TIE1: variants seen among roughly 807,000 people sequenced by gnomAD.
The protein encoded by TIE1 is tyrosine-protein kinase receptor Tie-1.
In TIE1, 89 loss-of-function variants were observed where a neutral mutation model predicts 130.5. The ratio of observed to expected loss-of-function variants is 0.68; its 90% CI spans 0.57 to 0.81. The LOEUF is 0.81. TIE1 is among the 40% of genes least tolerant of loss of function. The probability of loss-of-function intolerance (pLI) is 0.00; values close to 1 mark genes in which losing one functional copy is unlikely to be tolerated. For missense variants in TIE1, 1,392 were observed against 1,559.8 expected (o/e 0.89, Z 1.81); for synonymous variants, 568 against 629.4 (o/e 0.90, Z 1.46).
rs35691474 is a variant in TIE1 at position 43,317,291 on chromosome 1, A to G, written c.2502A>G (p.Leu834=). Residue 834 remains leucine (L), a synonymous_variant, in exon 15 of 23, where the codon CTA becomes CTG. Transcript: ENST00000372476. This position sits in a 1 kb window ranked among gnomAD's most constrained non-coding sequence, Gnocchi z 5.1. ...LQPEPLSYPV[L]EWEDITFEDL... is the part of the protein sequence containing the mutation. ...CCGAGCCCCTGAGCTACCCAGTGCT[A>G]GAGTGGGAGGACATCACCTTTGAGG... 1,018 of 1,614,158 alleles carry G rather than the reference A, an allele frequency of 6.3e-4. 5 individuals are homozygous for G. The highest frequency in any genetic ancestry group is 2.1e-3 in the South Asian group (194 of 91,088).
At chr1:43,308,948 C>T in intron 7 of TIE1, 38 bp from the exon 8 acceptor site, 1 of 1,613,876 alleles carries the variant, frequency 6.2e-7, no homozygotes, top group Non-Finnish European at 8.5e-7. Context: ...CGTGTCTGCC[C>T]CTGTGGGAGC....
intron 1 of TIE1, among the ~76,000 whole-genome samples, chr1:43,303,650 C>T (rs1235624177): frequency 4.6e-5 from 7 of 152,066 alleles, no homozygotes; most frequent in Non-Finnish European, 1.0e-4. Flanking sequence ...TCTGACTCCA[C>T]CTGATCTCTC....
rs775110198 is a variant in TIE1 at position 43,319,571 on chromosome 1, A to G, written c.3107+42A>G. 3 of 1,588,976 alleles carry G rather than the reference A, an allele frequency of 1.9e-6. No individual in the cohort carries two copies. Among genetic ancestry groups the G allele is most frequent in the Non-Finnish European group, 1.7e-6 (2 of 1,157,282 alleles). On this transcript the variant is annotated intron_variant, in intron 19 of 22. Coordinates refer to ENST00000372476, the MANE Select transcript of TIE1 (RefSeq NM_005424.5). The surrounding 1 kb of genome is among the most constrained non-coding windows in gnomAD (Gnocchi z 4.7). ...AGGGCACAGGAGGGCTTGGCCCCCA[A>G]GAATCACCCAGGCCTGACCTAGACA...
Position 43,313,033 on chromosome 1 carries a change from G to T in TIE1, c.1928-102G>T. On this transcript the variant is annotated intron_variant, in intron 12 of 22. Coordinates refer to ENST00000372476, the MANE Select transcript of TIE1 (RefSeq NM_005424.5). This position sits in a 1 kb window ranked among gnomAD's most constrained non-coding sequence, Gnocchi z 6.2. ...AGTTGGCAGGGTGGCCCCTGTGCTT[G>T]GACCCACAGAGGAGGGAGCACAGCT... The T allele has an allele frequency of 7.3e-7, 1 of 1,377,352 alleles. No homozygotes were observed. Among genetic ancestry groups the T allele is most frequent in the Non-Finnish European group, 9.9e-7 (1 of 1,014,386 alleles). 85.3% of individuals were successfully genotyped at this position (1,377,352 alleles called of 1,614,324 possible). A position where few individuals can be genotyped will look rare whatever the true frequency, so the allele number is the denominator to read the frequency against.
At position 43,306,978 on chromosome 1, in the gene TIE1, T is replaced by C. The variant is rs755927402; in HGVS notation, c.623T>C (p.Phe208Ser). The change falls in exon 4 of 23, where the codon TTT becomes TCT. Residue 208 changes from phenylalanine to serine, a missense_variant. Coordinates refer to ENST00000372476, the MANE Select transcript of TIE1 (RefSeq NM_005424.5). This position sits in a 1 kb window ranked among gnomAD's most constrained non-coding sequence, Gnocchi z 4.9. Reference sequence around the variant, plus strand: ...GCCAGCCCCCTGGGCAGCGCCTTCTTTCGGCTCATCGTGCGGGGTCAGAGG... The same window carrying C: ...GCCAGCCCCCTGGGCAGCGCCTTCTCTCGGCTCATCGTGCGGGGTCAGAGG... Reference protein sequence around the residue: ...LEASPLGSAFFRLIVRGCGAG... With the variant: ...LEASPLGSAFSRLIVRGCGAG... 1.2e-5 allele frequency: 20 copies of C among 1,613,796 alleles called. No homozygotes were observed. The highest frequency in any genetic ancestry group is 8.5e-7 in the Non-Finnish European group (1 of 1,180,006).
rs138275803 is a variant in TIE1, at chr1:43,318,000, C to T, written c.2850C>T (p.Thr950=). 1 of 1,602,062 alleles carries T rather than the reference C, an allele frequency of 6.2e-7. No individual in the cohort carries two copies. Among genetic ancestry groups the T allele is most frequent in the African/African-American group, 1.3e-5 (1 of 74,578 alleles). Residue 950 remains threonine, a synonymous_variant, in exon 17 of 23, where the codon ACC becomes ACT. Coordinates refer to ENST00000372476, the MANE Select transcript of TIE1 (RefSeq NM_005424.5). The surrounding 1 kb of genome is among the most constrained non-coding windows in gnomAD (Gnocchi z 5.1). ...CTCGAGAGCATGGGACAGCCTCTAC[C>T]CTTAGCTCCCGGCAGCTGCTGCGTT... The part of the protein sequence containing the change: ...AFAREHGTAS[T]LSSRQLLRFA...
Position 43,307,925 on chromosome 1 carries a change from G to A in TIE1, c.1042+1G>A, listed in dbSNP as rs147214275. 2 of 1,613,986 alleles carry A rather than the reference G, an allele frequency of 1.2e-6. No individual in the cohort carries two copies. The highest frequency in any genetic ancestry group is 1.3e-5 in the African/African-American group (1 of 74,928). On this transcript the variant is annotated splice_donor_variant, in intron 7 of 22. Transcript: ENST00000372476. LOFTEE classifies it high-confidence loss of function. This position sits in a 1 kb window ranked among gnomAD's most constrained non-coding sequence, Gnocchi z 5.4. ...CATGGAGTGCACTGTGAGAAGTCAG[G>A]TATAAGCACTATGACCTCTGAGAGC...
At chr1:43,308,510 A>ACTCAGGTTTGGGT (rs1246859644) in intron 7 of TIE1, among the ~76,000 whole-genome samples, 30 of 151,834 alleles carry the variant, frequency 2.0e-4, no homozygotes, top group South Asian at 4.2e-4. Flanking sequence ...GGGACTGGGG[A>ACTCAGGTTTGGGT]AATGGTCAGA....
chr1:43,323,018 A>T lies in TIE1; in HGVS notation c.*296A>T. The T allele has an allele frequency of 2.4e-6, 1 of 416,746 alleles. No homozygotes were observed. Among genetic ancestry groups the T allele is most frequent in the East Asian group, 4.3e-5 (1 of 23,162 alleles). 25.8% of individuals were successfully genotyped at this position (416,746 alleles called of 1,614,324 possible). ...ACCCCCACTCCAGCTCCTTCGCTTA[A>T]GCCAGCACTCACACCACTAACATGC... On this transcript the variant is annotated 3_prime_UTR_variant, in exon 23 of 23. Coordinates refer to ENST00000372476, the MANE Select transcript of TIE1 (RefSeq NM_005424.5).
chr1:43,308,008 C>T (rs1397043739), intron 7 of TIE1, 84 bp downstream of exon 7: 41 of 1,567,538 alleles, frequency 2.6e-5, no homozygotes, highest in Non-Finnish European at 3.3e-5. Context: ...AGAGTAGTCC[C>T]TCCTTTCCCT....
In TIE1 at chr1:43,306,708, T is replaced by C. The variant is rs1646731310; in HGVS notation, c.485-132T>C. Reference sequence around the variant, plus strand: ...TGAGCTTTCTGGCGTGGGCATAGGCTCTCGTGGTGCCGGCCCTAGGTCTCA... The same window carrying C: ...TGAGCTTTCTGGCGTGGGCATAGGCCCTCGTGGTGCCGGCCCTAGGTCTCA... On this transcript the variant is annotated intron_variant, in intron 3 of 22. Coordinates refer to ENST00000372476, the MANE Select transcript of TIE1 (RefSeq NM_005424.5). This position sits in a 1 kb window ranked among gnomAD's most constrained non-coding sequence, Gnocchi z 4.9. 8.4e-7 allele frequency: 1 copy of C among 1,195,396 alleles called. No individual in the cohort carries two copies. Among genetic ancestry groups the C allele is most frequent in the Non-Finnish European group, 1.2e-6 (1 of 857,534 alleles). The allele number at this position is 1,195,396 out of a possible 1,614,324, so 74.0% of individuals were successfully genotyped here. A position where few individuals can be genotyped will look rare whatever the true frequency, so the allele number is the denominator to read the frequency against.
chr1:43,308,990 G>A lies in TIE1; in HGVS notation c.1047G>A (p.Arg349=). 6.2e-7 allele frequency: 1 copy of A among 1,614,010 alleles called. No individual in the cohort carries two copies. Among genetic ancestry groups the A allele is most frequent in the Non-Finnish European group, 8.5e-7 (1 of 1,179,972 alleles). The change falls in exon 8 of 23, where the codon CGG becomes CGA. Residue 349 remains arginine, a synonymous_variant. Coordinates refer to ENST00000372476, the MANE Select transcript of TIE1 (RefSeq NM_005424.5). ...WHGVHCEKSD[R]IPQILNMASE... ...ATGAGTGTCCTTTCTCCCCAGACCG[G>A]ATCCCCCAGATCCTCAACATGGCCT...
chr1:43,305,349 G>C lies in TIE1; in HGVS notation c.484+6G>C, dbSNP rs1215890277. 2 of 1,541,468 alleles carry C rather than the reference G, an allele frequency of 1.3e-6. No homozygotes were observed. The highest frequency in any genetic ancestry group is 1.8e-6 in the Non-Finnish European group (2 of 1,139,288). ...CGTGATCTGGAAGAGCAACGGTAAAGAGGGGCATTTGAACTGGTGGGGAGG... is the reference window on the plus strand; with the variant it reads ...CGTGATCTGGAAGAGCAACGGTAAACAGGGGCATTTGAACTGGTGGGGAGG... On this transcript the variant is annotated splice_donor_region_variant and intron_variant, in intron 3 of 22. Coordinates refer to ENST00000372476, the MANE Select transcript of TIE1 (RefSeq NM_005424.5).
chr1:43,307,593 T>G lies in TIE1; in HGVS notation c.913+21T>G. The G allele has an allele frequency of 6.2e-7, 1 of 1,613,890 alleles. No homozygotes were observed. Among genetic ancestry groups the G allele is most frequent in the South Asian group, 1.1e-5 (1 of 91,074 alleles). Reference sequence around the variant, plus strand: ...AGAAGGTATGCCTAACCTACCCTCATGGTCCCTGACCAAGACAGCTGGCCA... The same window carrying G: ...AGAAGGTATGCCTAACCTACCCTCAGGGTCCCTGACCAAGACAGCTGGCCA... On this transcript the variant is annotated intron_variant, in intron 6 of 22. Coordinates refer to ENST00000372476, the MANE Select transcript of TIE1 (RefSeq NM_005424.5). The surrounding 1 kb of genome is among the most constrained non-coding windows in gnomAD (Gnocchi z 5.4).
chr1:43,308,065 A>T (rs1277497514), intron 7 of TIE1, 141 bp downstream of exon 7: 1 of 1,303,854 alleles, frequency 7.7e-7, no homozygotes, highest in Non-Finnish European at 1.0e-6. Context: ...TCTGATGGAC[A>T]GGGAGCTCTG....
chr1:43,311,851 G>A lies in TIE1; in HGVS notation c.1492+22G>A, dbSNP rs182468875. 2,386 of 1,609,346 alleles carry A rather than the reference G, an allele frequency of 1.5e-3. 6 individuals are homozygous for A. The highest frequency in any genetic ancestry group is 1.9e-3 in the Admixed American group (113 of 59,790). On this transcript the variant is annotated intron_variant, in intron 10 of 22. Transcript: ENST00000372476. Reference sequence around the variant, plus strand: ...GTGGGTGAGTAGGGAGAGAGCTGGGGCAGGACAGAGGTGTTGGGTAATAGT... The same window carrying A: ...GTGGGTGAGTAGGGAGAGAGCTGGGACAGGACAGAGGTGTTGGGTAATAGT...
chr1:43,307,752 C>T lies in TIE1; in HGVS notation c.914-44C>T. 1.2e-6 allele frequency: 2 copies of T among 1,610,736 alleles called. No individual in the cohort carries two copies. Among genetic ancestry groups the T allele is most frequent in the South Asian group, 1.1e-5 (1 of 90,752 alleles). ...TGCGCCCTCATCTGTGCCCTCATTGCCCCCTGTCCCATGCCCCTCTAATCA... is the reference window on the plus strand; with the variant it reads ...TGCGCCCTCATCTGTGCCCTCATTGTCCCCTGTCCCATGCCCCTCTAATCA... On this transcript the variant is annotated intron_variant, in intron 6 of 22. Transcript: ENST00000372476. The surrounding 1 kb of genome is among the most constrained non-coding windows in gnomAD (Gnocchi z 5.4).
In TIE1 at chr1:43,313,486, T is replaced by G; in HGVS notation, c.2218+61T>G. On this transcript the variant is annotated intron_variant, in intron 13 of 22. Coordinates refer to ENST00000372476, the MANE Select transcript of TIE1 (RefSeq NM_005424.5). This position sits in a 1 kb window ranked among gnomAD's most constrained non-coding sequence, Gnocchi z 6.2. ...TGAGCGGGGAGAGCTCAGCACGCTCTCCTTCCACATCACCCCCTACTGTGG... is the reference window on the plus strand; with the variant it reads ...TGAGCGGGGAGAGCTCAGCACGCTCGCCTTCCACATCACCCCCTACTGTGG... 6.3e-7 allele frequency: 1 copy of G among 1,576,844 alleles called. No homozygotes were observed. The highest frequency in any genetic ancestry group is 8.7e-7 in the Non-Finnish European group (1 of 1,154,928).
rs375287811 is a variant in TIE1, at chr1:43,313,383, G to A, written c.2176G>A (p.Gly726Arg). 35 of 1,614,006 alleles carry A rather than the reference G, an allele frequency of 2.2e-5. No individual in the cohort carries two copies. Among genetic ancestry groups the A allele is most frequent in the Non-Finnish European group, 2.7e-5 (32 of 1,179,958 alleles). ...FRMRASIQGL[G>R]DWSNTVEEST... is the part of the protein sequence containing the mutation. ...CATGCGGGCCAGCATTCAGGGGCTC[G>A]GGGACTGGAGCAACACAGTAGAAGA... is the stretch of plus-strand genomic sequence containing the variant. Residue 726 changes from glycine (G) to arginine (R), a missense_variant, in exon 13 of 23, where the codon GGG becomes AGG. Gly to Arg is a moderately radical substitution (Grantham distance 125). Coordinates refer to ENST00000372476, the MANE Select transcript of TIE1 (RefSeq NM_005424.5). This position sits in a 1 kb window ranked among gnomAD's most constrained non-coding sequence, Gnocchi z 6.2.
Sources: allele counts gnomAD v4.1 joint callset (sites outside exome capture counted in the v4.1 genomes callset), GRCh38; gene constraint gnomAD v4.1.1; non-coding constraint Gnocchi (gnomAD v3.1); transcripts MANE v1.5; gene names NCBI Gene and HGNC (gene_info 2026-07-23, HGNC 2026-07-21).